TBC1D2B: variants seen among roughly 807,000 people sequenced by gnomAD.
TBC1D2B encodes the protein TBC1 domain family member 2B.
A neutral mutation model predicts 100.8 loss-of-function variants in TBC1D2B; 64 were observed. The observed-to-expected ratio is 0.64, with a 90% CI of 0.52 to 0.78. The LOEUF (loss-of-function observed/expected upper bound fraction) is 0.78, where lower values mean the gene tolerates loss of function less well. Among genes scored for constraint, TBC1D2B ranks in the 30% least tolerant of loss-of-function variants. TBC1D2B has a pLI of 0.00. For synonymous variants in TBC1D2B, 480 were observed against 479.7 expected, an observed-to-expected ratio of 1.00 and a Z score of -0.01; for missense variants, 1,052 against 1,218.4, an observed-to-expected ratio of 0.86 and a Z score of 2.03.
At chr15:78,066,717 T>C (rs2073663848) in intron 1 of TBC1D2B, among the ~76,000 whole-genome samples, 1 of 152,202 alleles carries the variant, frequency 6.6e-6, no homozygotes, top group South Asian at 2.1e-4. Flanking sequence ...GTATAAAAAG[T>C]GGTTCACTTC....
intron 3 of TBC1D2B, among the ~76,000 whole-genome samples, chr15:78,035,056 T>C (rs949008012): frequency 6.6e-6 from 1 of 152,120 alleles, no homozygotes; most frequent in Non-Finnish European, 1.5e-5. Context: ...CGCAGTCTCA[T>C]TTGACAGATC....
intron 2 of TBC1D2B, among the ~76,000 whole-genome samples, chr15:78,051,899 A>T (rs772405713): frequency 2.0e-4 from 31 of 152,324 alleles, no homozygotes; most frequent in Non-Finnish European, 4.3e-4. Context: ...TTCCTGAACC[A>T]TTATAGCCTC....
chr15:78,032,196 G>A (rs191334391), intron 3 of TBC1D2B, among the ~76,000 whole-genome samples: 125 of 152,240 alleles, frequency 8.2e-4, no homozygotes, highest in African/African-American at 2.7e-3. Flanking sequence ...AGCCTCACAC[G>A]GGACCGGGAA....
chr15:78,075,320 T>C (rs1246449540), intron 1 of TBC1D2B, among the ~76,000 whole-genome samples: 1 of 152,016 alleles, frequency 6.6e-6, no homozygotes, highest in East Asian at 1.9e-4. Context: ...TGCCTCAGCC[T>C]CCCGAATAAC....
In TBC1D2B at chr15:77,997,516, G is replaced by C. The variant is rs1460420471; in HGVS notation, c.*644C>G. Reference sequence around the variant, plus strand: ...AGCCAGGCCCTCCCCATGCAGGCTGGAAGACACTGATGGAAGGGTTGCGTG... The same window carrying C: ...AGCCAGGCCCTCCCCATGCAGGCTGCAAGACACTGATGGAAGGGTTGCGTG... On this transcript the variant is annotated 3_prime_UTR_variant, in exon 13 of 13. Coordinates refer to ENST00000300584, the MANE Select transcript of TBC1D2B (RefSeq NM_144572.2). 1.3e-5 allele frequency: 2 copies of C among 152,402 alleles called. No homozygotes were observed. 9.4% of individuals were successfully genotyped at this position (152,402 alleles called of 1,614,324 possible). A position where few individuals can be genotyped will look rare whatever the true frequency, so the allele number is the denominator to read the frequency against.
rs1310652282 is a variant in TBC1D2B, at chr15:77,998,206, C to T, written c.2846G>A (p.Ser949Asn). ...REDFLRERDT[S>N]PDKGELVSDE... ...ACTGACCAGCTCACCCTTGTCAGGG[C>T]TGGTGTCCCGCTCACGCAGGAAGTC... Residue 949 changes from serine to asparagine, a missense_variant, in exon 13 of 13, where the codon AGC becomes AAC. Ser to Asn is a conservative substitution (Grantham distance 46). Coordinates refer to ENST00000300584, the MANE Select transcript of TBC1D2B (RefSeq NM_144572.2). 32 of 1,561,346 alleles carry T rather than the reference C, an allele frequency of 2.0e-5. No individual in the cohort carries two copies. Among genetic ancestry groups the T allele is most frequent in the Middle Eastern group, 1.7e-4 (1 of 6,026 alleles).
Position 78,077,309 on chromosome 15 carries a change from G to T in TBC1D2B, c.344C>A (p.Ala115Asp). The change falls in exon 1 of 13, where the codon GCC becomes GAC. Residue 115 changes from alanine (A) to aspartate (D), a missense_variant. This residue lies in a region of TBC1D2B where 627 missense variants were observed against 646.1 expected (regional missense o/e 0.97). Coordinates refer to ENST00000300584, the MANE Select transcript of TBC1D2B (RefSeq NM_144572.2). ...PAHFQVHSAG[A>D]VTVLKAPNRQ... ...CGGTCCCACCTTGAGCACCGTGACGGCTCCCGCGCTGTGCACCTGGAAGTG... is the reference window on the plus strand; with the variant it reads ...CGGTCCCACCTTGAGCACCGTGACGTCTCCCGCGCTGTGCACCTGGAAGTG... 1 of 1,525,928 alleles carries T rather than the reference G, an allele frequency of 6.6e-7. No homozygotes were observed. 94.5% of individuals were successfully genotyped at this position (1,525,928 alleles called of 1,614,324 possible).
At chr15:78,046,039 C>T (rs1279225512) in intron 2 of TBC1D2B, among the ~76,000 whole-genome samples, 1 of 152,152 alleles carries the variant, frequency 6.6e-6, no homozygotes, top group East Asian at 1.9e-4. Context: ...TCAAGCGATT[C>T]TTCTGCCTCA....
rs2072771279 is a variant in TBC1D2B at position 78,030,082 on chromosome 15, C to T, written c.772G>A (p.Asp258Asn). The change falls in exon 4 of 13, where the codon GAC becomes AAC. Residue 258 changes from aspartate (D) to asparagine (N), a missense_variant. Coordinates refer to ENST00000300584, the MANE Select transcript of TBC1D2B (RefSeq NM_144572.2). Reference sequence around the variant, plus strand: ...TCCTCTAGGTCCTTAGGGGTTGGGTCTAAAAGTTCCCACTCTTCATTGGTA... The same window carrying T: ...TCCTCTAGGTCCTTAGGGGTTGGGTTTAAAAGTTCCCACTCTTCATTGGTA... ...FYTNEEWELL[D>N]PTPKDLEESI... The T allele has an allele frequency of 1.2e-6, 2 of 1,613,730 alleles. No homozygotes were observed. Among genetic ancestry groups the T allele is most frequent in the South Asian group, 2.2e-5 (2 of 91,072 alleles).
intron 3 of TBC1D2B, among the ~76,000 whole-genome samples, chr15:78,032,432 A>ATG (rs34709917): frequency 8.4e-4 from 128 of 151,914 alleles, no homozygotes; most frequent in Non-Finnish European, 1.5e-3. Flanking sequence ...ATATATATAT[A>ATG]TCCAGCACAC....
chr15:78,032,086 C>T (rs1192958197), intron 3 of TBC1D2B, among the ~76,000 whole-genome samples: 1 of 152,140 alleles, frequency 6.6e-6, no homozygotes, highest in Admixed American at 6.5e-5. Context: ...AGATGGTATC[C>T]CCAAGTCTTC....
At position 78,024,146 on chromosome 15, in the gene TBC1D2B, C is replaced by T; in HGVS notation, c.1470+10G>A. The T allele has an allele frequency of 1.2e-6, 2 of 1,602,556 alleles. No individual in the cohort carries two copies. Among genetic ancestry groups the T allele is most frequent in the Non-Finnish European group, 8.5e-7 (1 of 1,173,716 alleles). On this transcript the variant is annotated intron_variant, in intron 6 of 12. Transcript: ENST00000300584. ...CATGCCAATCACCAGAGCCCCTGCCCCACTCTTACTTTCAGCCTGTCCAGT... is the reference window on the plus strand; with the variant it reads ...CATGCCAATCACCAGAGCCCCTGCCTCACTCTTACTTTCAGCCTGTCCAGT...
chr15:78,023,789 G>A (rs562479088), intron 6 of TBC1D2B, among the ~76,000 whole-genome samples: 4 of 152,336 alleles, frequency 2.6e-5, no homozygotes, highest in African/African-American at 9.6e-5. Flanking sequence ...CCTGCAGCAA[G>A]CTGTGCAAAT....
intron 12 of TBC1D2B, among the ~76,000 whole-genome samples, chr15:77,999,793 C>T (rs942802341): frequency 1.1e-4 from 17 of 152,334 alleles, no homozygotes; most frequent in Non-Finnish European, 2.1e-4. Context: ...GGCTGGCACC[C>T]GGGACGCCAG....
chr15:78,051,017 T>C (rs1030390630), intron 2 of TBC1D2B, among the ~76,000 whole-genome samples: 1 of 152,312 alleles, frequency 6.6e-6, no homozygotes, highest in East Asian at 1.9e-4. Flanking sequence ...CATTCTCCTT[T>C]TGATGTAAGT....
chr15:78,046,627 C>G (rs574093048), intron 2 of TBC1D2B, among the ~76,000 whole-genome samples: 2 of 152,106 alleles, frequency 1.3e-5, no homozygotes, highest in South Asian at 4.2e-4. Flanking sequence ...CGATGCCCAG[C>G]TAATTTTTGT....
At chr15:78,029,580 G>A (rs917181623) in intron 4 of TBC1D2B, among the ~76,000 whole-genome samples, 1 of 152,168 alleles carries the variant, frequency 6.6e-6, no homozygotes, top group East Asian at 1.9e-4. Flanking sequence ...TAATAATCCA[G>A]CTGACAGTGG....
intron 9 of TBC1D2B, among the ~76,000 whole-genome samples, chr15:78,010,310 T>C (rs1214348421): frequency 6.6e-6 from 1 of 152,166 alleles, no homozygotes; most frequent in Non-Finnish European, 1.5e-5. Context: ...AGCCCTGGTA[T>C]GGCTCCAAGC....
rs544616824 is a variant in TBC1D2B at position 78,024,624 on chromosome 15, A to G, written c.1087-85T>C. 458 of 1,260,664 alleles carry G rather than the reference A, an allele frequency of 3.6e-4. 1 individual carries two copies. The highest frequency in any genetic ancestry group is 5.4e-4 in the East Asian group (22 of 41,010). 78.1% of individuals were successfully genotyped at this position (1,260,664 alleles called of 1,614,324 possible). On this transcript the variant is annotated intron_variant, in intron 5 of 12. Transcript: ENST00000300584. ...AGAAATCATGACATTACATGGAGTA[A>G]TCGACAGAGTTTGAGGAAATGTAGA...
Sources: allele counts gnomAD v4.1 joint callset (sites outside exome capture counted in the v4.1 genomes callset), GRCh38; gene constraint gnomAD v4.1.1; regional missense constraint gnomAD v4.1.1; transcripts MANE v1.5; gene names NCBI Gene and HGNC (gene_info 2026-07-23, HGNC 2026-07-21).